The following TMTC2 variants were observed in gnomAD, a reference collection of about 807,000 sequenced individuals.
TMTC2 encodes transmembrane O-mannosyltransferase targeting cadherins 2.
Under a neutral mutation model 82.4 loss-of-function variants are expected in TMTC2, and 43 were observed. The ratio of observed to expected loss-of-function variants is 0.52; its 90% CI spans 0.41 to 0.67. TMTC2 has a LOEUF of 0.67. Ranked by LOEUF, TMTC2 falls within the 30% of genes least tolerant of loss-of-function variation. The pLI, the probability that TMTC2 is intolerant of heterozygous loss-of-function variation, is 0.00. For missense variants in TMTC2, 919 were observed against 1,012.4 expected (o/e 0.91, Z 1.25); for synonymous variants, 408 against 381.9 (o/e 1.07, Z -0.80).
At chr12:83,030,919 T>G (rs1307679091) in intron 9 of TMTC2, 40 bp downstream of exon 9, 2 of 1,428,276 alleles carry the variant, frequency 1.4e-6, no homozygotes, top group South Asian at 1.1e-5. Flanking sequence ...CCCCCACATT[T>G]ACTATTAATG....
At chr12:82,725,687 A>G (rs989305555) in intron 1 of TMTC2, among the ~76,000 whole-genome samples, 6 of 152,320 alleles carry the variant, frequency 3.9e-5, no homozygotes, top group Admixed American at 6.5e-5. Flanking sequence ...TGAGATGTCA[A>G]TCAGATACAC....
At chr12:82,945,257 G>A (rs1425835761) in intron 4 of TMTC2, among the ~76,000 whole-genome samples, 2 of 152,168 alleles carry the variant, frequency 1.3e-5, no homozygotes, top group South Asian at 2.1e-4. Flanking sequence ...TCTTACAAAC[G>A]TAGCTGCAAA....
chr12:82,910,609 GA>G (rs1296544761), intron 3 of TMTC2, among the ~76,000 whole-genome samples: 9 of 152,206 alleles, frequency 5.9e-5, no homozygotes, highest in Non-Finnish European at 1.2e-4. Flanking sequence ...TGGGCTTGGA[GA>G]ATGAGTGGAA....
At chr12:82,962,169 G>T (rs962934986) in intron 4 of TMTC2, among the ~76,000 whole-genome samples, 2 of 151,862 alleles carry the variant, frequency 1.3e-5, no homozygotes, top group Non-Finnish European at 2.9e-5. Context: ...TTATGAATTG[G>T]ATAATGACAG....
chr12:82,756,635 G>A (rs1220879673), intron 1 of TMTC2, among the ~76,000 whole-genome samples: 1 of 152,212 alleles, frequency 6.6e-6, no homozygotes, highest in Non-Finnish European at 1.5e-5. Flanking sequence ...AGAACCTGGA[G>A]AGAGTTAGCT....
chr12:83,086,048 A>G (rs1218305175), intron 11 of TMTC2, among the ~76,000 whole-genome samples: 2 of 151,306 alleles, frequency 1.3e-5, no homozygotes, highest in African/African-American at 2.4e-5. Flanking sequence ...GTCTTATCAG[A>G]CACTCTGATT....
chr12:82,853,284 G>T (rs986910204), intron 1 of TMTC2, among the ~76,000 whole-genome samples: 1 of 152,024 alleles, frequency 6.6e-6, no homozygotes, highest in African/African-American at 2.4e-5. Flanking sequence ...TGTATTTTTA[G>T]TAGAGATGGG....
rs148138673 is a variant in TMTC2, at chr12:83,069,602, G to A, written c.2331+7771G>A. On this transcript the variant is annotated intron_variant, in intron 11 of 11. Coordinates refer to ENST00000321196, the MANE Select transcript of TMTC2 (RefSeq NM_152588.3). ...TAGATTCTGGATATTAGTCCCTGGC[G>A]AGATGTATAGATTGTGCAGATTTTC... Among the ~76,000 whole-genome samples the A allele has an allele frequency of 5.3e-5, 8 of 152,158 alleles. No homozygotes were observed. The East Asian group carries it at 5.8e-4, about 11-fold the overall frequency.
intron 8 of TMTC2, among the ~76,000 whole-genome samples, chr12:83,014,427 C>T (rs1880585971): frequency 6.6e-6 from 1 of 152,174 alleles, no homozygotes; most frequent in Admixed American, 6.5e-5. Flanking sequence ...GCAACCTCCG[C>T]CTCCCCGCTT....
intron 1 of TMTC2, among the ~76,000 whole-genome samples, chr12:82,744,419 TCAAA>T (rs1368547592): frequency 1.3e-5 from 2 of 152,048 alleles, no homozygotes; most frequent in Admixed American, 1.3e-4. Flanking sequence ...CGAGACTGTC[TCAAA>T]CAAAAAACAT....
At chr12:82,913,262 T>C (rs1874805288) in intron 3 of TMTC2, among the ~76,000 whole-genome samples, 1 of 152,210 alleles carries the variant, frequency 6.6e-6, no homozygotes, top group South Asian at 2.1e-4. Flanking sequence ...AATGCCATGC[T>C]TCTGTTCTCT....
intron 11 of TMTC2, among the ~76,000 whole-genome samples, chr12:83,131,157 A>G (rs985303381): frequency 6.6e-6 from 1 of 152,262 alleles, no homozygotes; most frequent in African/African-American, 2.4e-5. Flanking sequence ...AAGTGTAATC[A>G]TAGCATAAAC....
intron 1 of TMTC2, among the ~76,000 whole-genome samples, chr12:82,827,480 A>C (rs1158242375): frequency 6.6e-6 from 1 of 152,172 alleles, no homozygotes; most frequent in African/African-American, 2.4e-5. Context: ...TTACGGCTTA[A>C]GTGGGGAACA....
rs1220056579 is a variant in TMTC2, at chr12:82,746,062, T to A, written c.83+58393T>A. ...AGCATTGTTTGCCTTATTGTGAGAGTGAAAGCATTATGGAATACATTTAAG... is the reference window on the plus strand; with the variant it reads ...AGCATTGTTTGCCTTATTGTGAGAGAGAAAGCATTATGGAATACATTTAAG... On this transcript the variant is annotated intron_variant, in intron 1 of 11. Coordinates refer to ENST00000321196, the MANE Select transcript of TMTC2 (RefSeq NM_152588.3). 3.3e-5 allele frequency among the ~76,000 whole-genome samples: 5 copies of A among 152,314 alleles called. No individual in the cohort carries two copies. In the Middle Eastern group the frequency reaches 0.014, roughly 414 times the overall value.
intron 1 of TMTC2, among the ~76,000 whole-genome samples, chr12:82,808,680 C>G (rs936593326): frequency 6.6e-5 from 10 of 152,076 alleles, no homozygotes; most frequent in African/African-American, 2.4e-4. Context: ...GGTATCTATT[C>G]CAGTATTCTT....
intron 7 of TMTC2, among the ~76,000 whole-genome samples, chr12:82,972,066 CAA>C (rs1422819675): frequency 6.6e-6 from 1 of 152,126 alleles, no homozygotes; most frequent in Non-Finnish European, 1.5e-5. Flanking sequence ...AGAAAACAAA[CAA>C]GAGAAACTCA....
intron 8 of TMTC2, among the ~76,000 whole-genome samples, chr12:82,998,325 C>A (rs969036466): frequency 6.6e-6 from 1 of 151,988 alleles, no homozygotes; most frequent in African/African-American, 2.4e-5. Context: ...TTATTAACAT[C>A]GAGGCTAGAG....
chr12:83,001,549 C>A (rs533218771), intron 8 of TMTC2, among the ~76,000 whole-genome samples: 1 of 150,010 alleles, frequency 6.7e-6, no homozygotes, highest in African/African-American at 2.5e-5. Flanking sequence ...GCAGGAGAAT[C>A]GCTTGAACCT....
rs1446492118 is a variant in TMTC2 at position 82,959,417 on chromosome 12, G to C, written c.1599-5607G>C. 2.6e-4 allele frequency among the ~76,000 whole-genome samples: 39 copies of C among 152,010 alleles called. 1 individual carries two copies. Among genetic ancestry groups the C allele is most frequent in the Non-Finnish European group, 8.8e-5 (6 of 67,966 alleles). On this transcript the variant is annotated intron_variant, in intron 4 of 11. Coordinates refer to ENST00000321196, the MANE Select transcript of TMTC2 (RefSeq NM_152588.3). Reference sequence around the variant, plus strand: ...CCAGAGGCATTGCATTATTCAACCTGAAACTCTACTATAAGGCTGCCATAA... The same window carrying C: ...CCAGAGGCATTGCATTATTCAACCTCAAACTCTACTATAAGGCTGCCATAA...
Sources: gnomAD v4.1 joint callset for allele counts (sites outside exome capture counted in the v4.1 genomes callset) on GRCh38, gnomAD v4.1.1 for gene constraint, MANE v1.5 for transcripts, NCBI Gene and HGNC (gene_info 2026-07-23, HGNC 2026-07-21) for gene names.